Variants in ANAPC10 observed in about 807,000 individuals in gnomAD.
ANAPC10 encodes anaphase promoting complex subunit 10, also known as anaphase-promoting complex subunit 10.
Under a neutral mutation model 22.0 loss-of-function variants are expected in ANAPC10, and 12 were observed. The ratio of observed to expected loss-of-function variants is 0.55; its 90% confidence interval spans 0.35 to 0.88. The LOEUF is 0.88. ANAPC10 is among the 40% of genes least tolerant of loss of function. The probability of loss-of-function intolerance (pLI) is 0.01; values close to 1 mark genes in which losing one functional copy is unlikely to be tolerated. For synonymous variants in ANAPC10, 65 were observed against 69.5 expected (o/e 0.94, Z 0.32); for missense variants, 188 against 220.9 (o/e 0.85, Z 0.94).
At chr4:145,023,227 C>A (rs966935702) in intron 4 of ANAPC10, among the ~76,000 whole-genome samples, 16 of 151,814 alleles carry the variant, frequency 1.1e-4, no homozygotes, top group Admixed American at 2.6e-4. Context: ...TGAAAAAAAA[C>A]CAACAAATAA....
chr4:145,015,934 G>A (rs1436191744), intron 4 of ANAPC10, among the ~76,000 whole-genome samples: 2 of 152,048 alleles, frequency 1.3e-5, no homozygotes, highest in South Asian at 4.2e-4. Context: ...CTGCTGAAAG[G>A]AGCTCGAAAC....
chr4:145,001,075 C>T (rs1466429496), intron 4 of ANAPC10, among the ~76,000 whole-genome samples: 2 of 151,846 alleles, frequency 1.3e-5, no homozygotes, highest in Non-Finnish European at 2.9e-5. Flanking sequence ...AGGAGAAATA[C>T]CTAATGTAAA....
At chr4:145,001,957 A>T (rs989989509) in intron 4 of ANAPC10, among the ~76,000 whole-genome samples, 2 of 152,196 alleles carry the variant, frequency 1.3e-5, no homozygotes, top group African/African-American at 4.8e-5. Context: ...AAACATGTCA[A>T]ATATTAAGTA....
intron 4 of ANAPC10, among the ~76,000 whole-genome samples, chr4:145,030,518 TCCA>T (rs1737399353): frequency 6.6e-6 from 1 of 152,170 alleles, no homozygotes; most frequent in Admixed American, 6.5e-5. Flanking sequence ...ATTTCGGTCC[TCCA>T]GTTAAAGCAG....
Position 145,054,646 on chromosome 4 carries a change from C to T in ANAPC10, c.327+9926G>A, listed in dbSNP as rs201034162. Among the ~76,000 whole-genome samples, 511 of 141,858 alleles carry T rather than the reference C, an allele frequency of 3.6e-3. 17 individuals are homozygous for T. The East Asian group carries it at 0.084, about 23-fold the overall frequency. 93.1% of individuals were successfully genotyped at this position (141,858 alleles called of 152,430 possible). ...GTGTGTGTGTGTGTGTGTGTGCGCG[C>T]GCGCGCGCGTGCGTGCAGCGCATGT... On this transcript the variant is annotated intron_variant, in intron 4 of 4. Transcript: ENST00000507656.
chr4:145,063,925 TA>T (rs888771994), intron 4 of ANAPC10: 1 of 152,034 alleles, frequency 6.6e-6, no homozygotes, highest in African/African-American at 2.4e-5. Context: ...GGATCTATGA[TA>T]AAAAATCAAT....
At chr4:145,096,159 T>C (rs1463145653) in intron 1 of ANAPC10, 48 bp from the exon 2 acceptor site, 5 of 1,576,754 alleles carry the variant, frequency 3.2e-6, no homozygotes, top group Non-Finnish European at 4.3e-6. Context: ...ACTGGGCATC[T>C]TTCTACAAAA....
intron 2 of ANAPC10, among the ~76,000 whole-genome samples, chr4:145,089,879 T>C (rs193088929): frequency 3.9e-5 from 6 of 152,148 alleles, no homozygotes; most frequent in Non-Finnish European, 7.4e-5. Flanking sequence ...TCCACACTTC[T>C]CAAATATGAA....
At chr4:145,023,409 C>G (rs759144262) in intron 4 of ANAPC10, among the ~76,000 whole-genome samples, 37 of 152,096 alleles carry the variant, frequency 2.4e-4, no homozygotes, top group Non-Finnish European at 4.9e-4. Flanking sequence ...CTTGAACAGT[C>G]CTTTGCCTCA....
intron 4 of ANAPC10, among the ~76,000 whole-genome samples, chr4:145,062,062 A>G (rs1267343226): frequency 1.3e-5 from 2 of 151,616 alleles, no homozygotes; most frequent in Non-Finnish European, 2.9e-5. Context: ...GACTCTGTCA[A>G]AAAAAGAAAA....
chr4:145,025,663 T>G (rs1214053418), intron 4 of ANAPC10, among the ~76,000 whole-genome samples: 1 of 152,054 alleles, frequency 6.6e-6, no homozygotes, highest in East Asian at 1.9e-4. Context: ...ATAATATTGG[T>G]GAAAAAGTTT....
chr4:145,046,253 A>G (rs1233099989), intron 4 of ANAPC10, among the ~76,000 whole-genome samples: 3 of 152,116 alleles, frequency 2.0e-5, no homozygotes, highest in African/African-American at 7.2e-5. Context: ...ATGTATATAA[A>G]TAACTTTTAA....
intron 4 of ANAPC10, among the ~76,000 whole-genome samples, chr4:145,008,270 G>A (rs1733738094): frequency 6.6e-6 from 1 of 152,126 alleles, no homozygotes; most frequent in Admixed American, 6.5e-5. Flanking sequence ...AAGAGGAGCT[G>A]GTACCATTCC....
At chr4:145,036,835 A>G (rs928576603) in intron 4 of ANAPC10, among the ~76,000 whole-genome samples, 4 of 152,198 alleles carry the variant, frequency 2.6e-5, no homozygotes, top group Admixed American at 6.5e-5. Context: ...CAAGCACTCA[A>G]TTAATGCTGA....
chr4:144,996,929 T>G (rs879762905), intron 4 of ANAPC10, among the ~76,000 whole-genome samples: 5 of 152,040 alleles, frequency 3.3e-5, no homozygotes, highest in Non-Finnish European at 7.4e-5. Context: ...GCACGAGAAC[T>G]ATGTGACGCA....
chr4:145,041,742 T>C (rs1739549399), intron 4 of ANAPC10, among the ~76,000 whole-genome samples: 1 of 152,164 alleles, frequency 6.6e-6, no homozygotes, highest in Non-Finnish European at 1.5e-5. Flanking sequence ...TTGACTAAAA[T>C]TTAATAACTG....
At chr4:144,996,122 C>A (rs921356665) in intron 4 of ANAPC10, among the ~76,000 whole-genome samples, 4 of 152,174 alleles carry the variant, frequency 2.6e-5, no homozygotes, top group Admixed American at 6.5e-5. Context: ...AGGCAGGGAA[C>A]TCACTCACAG....
chr4:145,091,074 C>T lies in ANAPC10; in HGVS notation c.115+4911G>A, dbSNP rs536806117. On this transcript the variant is annotated intron_variant, in intron 2 of 4. Transcript: ENST00000507656. ...TGATATTTCACTGATAGACTCAAAG[C>T]TCAAAATCACATGAAGTAAGACATA... 2.6e-5 allele frequency among the ~76,000 whole-genome samples: 4 copies of T among 152,278 alleles called. No individual in the cohort carries two copies. In the East Asian group the frequency reaches 5.8e-4, roughly 22 times the overall value.
chr4:145,053,347 A>C (rs1156363403), intron 4 of ANAPC10, among the ~76,000 whole-genome samples: 1 of 152,232 alleles, frequency 6.6e-6, no homozygotes, highest in East Asian at 1.9e-4. Context: ...CCTCATACTT[A>C]TGGTACCACT....
Sources: gnomAD v4.1 joint callset for allele counts (sites outside exome capture counted in the v4.1 genomes callset) on GRCh38, gnomAD v4.1.1 for gene constraint, MANE v1.5 for transcripts, NCBI Gene and HGNC (gene_info 2026-07-23, HGNC 2026-07-21) for gene names.